ARID3A: variants seen among roughly 807,000 people sequenced by gnomAD.
ARID3A encodes the protein AT-rich interaction domain 3A, also known as AT-rich interactive domain-containing protein 3A.
Under a neutral mutation model 52.7 loss-of-function variants are expected in ARID3A, and 11 were observed. The ratio of observed to expected loss-of-function variants is 0.21; its 90% confidence interval spans 0.13 to 0.35. The LOEUF (loss-of-function observed/expected upper bound fraction) is 0.35, where lower values mean the gene tolerates loss of function less well. Ranked by LOEUF, ARID3A falls within the 10% of genes least tolerant of loss-of-function variation. The probability of loss-of-function intolerance (pLI) is 1.00; values close to 1 mark genes in which losing one functional copy is unlikely to be tolerated. For missense variants in ARID3A, 721 were observed against 838.5 expected (o/e 0.86, Z 1.73); for synonymous variants, 404 against 359.4 (o/e 1.12, Z -1.40).
Position 942,191 on chromosome 19 carries a change from G to A in ARID3A, c.693+9449G>A, listed in dbSNP as rs1047327414. On this transcript the variant is annotated intron_variant, in intron 3 of 8. Transcript: ENST00000263620. The surrounding 1 kb of genome is among the most constrained non-coding windows in gnomAD (Gnocchi z 8.1). ...GTGCACCCCCACCCTCTCCGACCCC[G>A]AGGAGCTGCCGGCAGAGCCCTGTCC... 8.6e-5 allele frequency among the ~76,000 whole-genome samples: 13 copies of A among 151,416 alleles called. No homozygotes were observed. Among genetic ancestry groups the A allele is most frequent in the South Asian group, 4.3e-4 (2 of 4,626 alleles).
Position 949,694 on chromosome 19 carries a change from T to TG in ARID3A, c.694-10397dup, listed in dbSNP as rs397745640. 4.7e-5 allele frequency among the ~76,000 whole-genome samples: 7 copies of TG among 149,944 alleles called. No individual in the cohort carries two copies. In the East Asian group the frequency reaches 1.4e-3, roughly 29 times the overall value. On this transcript the variant is annotated intron_variant, in intron 3 of 8. Coordinates refer to ENST00000263620, the MANE Select transcript of ARID3A (RefSeq NM_005224.3). ...ATTCTGTCTTTTTTTTTTTTTTTTT[T>TG]GAGATGGAGTCTCGCTCTGTCGCCC... is the stretch of plus-strand genomic sequence containing the variant.
At chr19:970,954 C>A (rs1304231474) in intron 8 of ARID3A, among the ~76,000 whole-genome samples, 6 of 152,092 alleles carry the variant, frequency 3.9e-5, no homozygotes, top group Admixed American at 3.9e-4. Context: ...TCCGTGCCCT[C>A]CGGAAATCAG....
In ARID3A at chr19:929,622, C is replaced by T. The variant is rs760005633; in HGVS notation, c.94C>T (p.Pro32Ser). The T allele has an allele frequency of 2.0e-6, 3 of 1,525,472 alleles. No individual in the cohort carries two copies. Among genetic ancestry groups the T allele is most frequent in the Admixed American group, 2.0e-5 (1 of 50,470 alleles). The allele number at this position is 1,525,472 out of a possible 1,614,324, so 94.5% of individuals were successfully genotyped here. ...EARQQLPPDP[P>S]AAPPGRARAA... The stretch of plus-strand genomic sequence containing the variant: ...CCGGCAGCAGCTGCCCCCCGATCCC[C>T]CTGCTGCACCCCCCGGCCGGGCCCG... The change falls in exon 2 of 9, where the codon CCT (proline) becomes TCT (serine). Residue 32 changes from proline to serine, a missense_variant. Transcript: ENST00000263620. This position sits in a 1 kb window ranked among gnomAD's most constrained non-coding sequence, Gnocchi z 6.2.
chr19:969,005 T>C (rs1261370190), intron 8 of ARID3A, among the ~76,000 whole-genome samples: 1 of 151,988 alleles, frequency 6.6e-6, no homozygotes, highest in Non-Finnish European at 1.5e-5. Context: ...AGCCCAGGGG[T>C]TAGAGACTTT....
chr19:972,499 T>G lies in ARID3A; in HGVS notation c.*434T>G. 4.6e-6 allele frequency: 1 copy of G among 216,630 alleles called. No homozygotes were observed. The highest frequency in any genetic ancestry group is 9.3e-6 in the Non-Finnish European group (1 of 107,278). The allele number at this position is 216,630 out of a possible 1,614,324, so 13.4% of individuals were successfully genotyped here. On this transcript the variant is annotated 3_prime_UTR_variant, in exon 9 of 9. Coordinates refer to ENST00000263620, the MANE Select transcript of ARID3A (RefSeq NM_005224.3). ...TCATACATCCCTGCACTGTGTGTTT[T>G]CATTTTTGTCTGCTTTAGTTCTCTT...
At position 966,793 on chromosome 19, in the gene ARID3A, A is replaced by G. The variant is rs2038166980; in HGVS notation, c.1420A>G (p.Met474Val). The G allele has an allele frequency of 6.2e-7, 1 of 1,613,694 alleles. No homozygotes were observed. The highest frequency in any genetic ancestry group is 1.3e-5 in the African/African-American group (1 of 75,078). ...GGTGGCCGATGAGCAGCAACGGCTG[A>G]TGCAACGTGCACTCCAGCAGAACTT... ...ALVADEQQRL[M>V]QRALQQNFLA... Residue 474 changes from methionine (M) to valine (V), a missense_variant, in exon 7 of 9, where the codon ATG becomes GTG. Physicochemically the swap from Met to Val is conservative, Grantham distance 21. Coordinates refer to ENST00000263620, the MANE Select transcript of ARID3A (RefSeq NM_005224.3).
At chr19:946,687 T>C (rs908698429) in intron 3 of ARID3A, among the ~76,000 whole-genome samples, 2 of 152,040 alleles carry the variant, frequency 1.3e-5, no homozygotes, top group African/African-American at 4.8e-5. Context: ...GTGATCCGCC[T>C]GCCTCGGCCT....
chr19:966,453 C>G (rs538011616), intron 6 of ARID3A, 119 bp from the exon 7 acceptor site: 25 of 848,296 alleles, frequency 2.9e-5, no homozygotes, highest in Non-Finnish European at 4.1e-5. Context: ...AGTGAAACTC[C>G]GTCTCAAAAA....
Position 942,654 on chromosome 19 carries a change from C to T in ARID3A, c.693+9912C>T, listed in dbSNP as rs529154127. Among the ~76,000 whole-genome samples, 1 of 152,272 alleles carries T rather than the reference C, an allele frequency of 6.6e-6. No homozygotes were observed. The highest frequency in any genetic ancestry group is 1.9e-4 in the East Asian group (1 of 5,164). On this transcript the variant is annotated intron_variant, in intron 3 of 8. Coordinates refer to ENST00000263620, the MANE Select transcript of ARID3A (RefSeq NM_005224.3). The surrounding 1 kb of genome is among the most constrained non-coding windows in gnomAD (Gnocchi z 8.1). ...GGGCAGGGAGTAGGTGGAGGCCGCC[C>T]CTCCCACTGCCCCGCAGGCCCTGGT...
intron 3 of ARID3A, among the ~76,000 whole-genome samples, chr19:950,573 C>G (rs1426588744): frequency 1.3e-5 from 2 of 152,130 alleles, no homozygotes; most frequent in Non-Finnish European, 2.9e-5. Context: ...GCGTGGGGAC[C>G]GGCAGGCAGG....
In ARID3A at chr19:929,991, C is replaced by G. The variant is rs548854712; in HGVS notation, c.368+95C>G. 6.8e-7 allele frequency: 1 copy of G among 1,473,020 alleles called. No homozygotes were observed. Among genetic ancestry groups the G allele is most frequent in the African/African-American group, 1.4e-5 (1 of 70,996 alleles). The allele number at this position is 1,473,020 out of a possible 1,614,324, so 91.2% of individuals were successfully genotyped here. A position where few individuals can be genotyped will look rare whatever the true frequency, so the allele number is the denominator to read the frequency against. On this transcript the variant is annotated intron_variant, in intron 2 of 8. Coordinates refer to ENST00000263620, the MANE Select transcript of ARID3A (RefSeq NM_005224.3). This position sits in a 1 kb window ranked among gnomAD's most constrained non-coding sequence, Gnocchi z 6.2. ...CAGAATGGGAGTAAGGGTCAGGTCG[C>G]GGGATCTCCTTCCTGTAATTCCAGC... is the stretch of plus-strand genomic sequence containing the variant.
chr19:953,598 T>C (rs1000193009), intron 3 of ARID3A, among the ~76,000 whole-genome samples: 31 of 151,762 alleles, frequency 2.0e-4, no homozygotes, highest in Admixed American at 5.9e-4. Context: ...TGCAACCTTC[T>C]GGGAAGAAAA....
intron 2 of ARID3A, 87 bp from the exon 3 acceptor site, chr19:932,331 A>G: frequency 6.4e-7 from 1 of 1,557,030 alleles, no homozygotes; most frequent in Non-Finnish European, 8.6e-7. Flanking sequence ...AGAGAGGGAA[A>G]CTGAGGCTGG....
intron 2 of ARID3A, among the ~76,000 whole-genome samples, chr19:930,890 C>T (rs1425101744): frequency 6.6e-6 from 1 of 152,180 alleles, no homozygotes; most frequent in Non-Finnish European, 1.5e-5. Flanking sequence ...CAGATAAAAT[C>T]TGCAGCCGGC....
chr19:954,872 C>T (rs1453321076), intron 3 of ARID3A, among the ~76,000 whole-genome samples: 1 of 152,160 alleles, frequency 6.6e-6, no homozygotes. Context: ...CAGAACTTCA[C>T]ACCCGACCCC....
Position 974,194 on chromosome 19 carries a change from G to T in ARID3A, c.*2129G>T. ...TGAGTCTAGGTTCACTTTCCCGTCG[G>T]GCTGTGGGAGGGGACTGTCACTTTC... is the stretch of plus-strand genomic sequence containing the variant. On this transcript the variant is annotated 3_prime_UTR_variant, in exon 9 of 9. Transcript: ENST00000263620. The T allele has an allele frequency of 8.9e-6, 2 of 225,758 alleles. No homozygotes were observed. The highest frequency in any genetic ancestry group is 1.3e-4 in the East Asian group (2 of 15,768). 14.0% of individuals were successfully genotyped at this position (225,758 alleles called of 1,614,324 possible).
At chr19:971,314 A>C (rs532906737) in intron 8 of ARID3A, among the ~76,000 whole-genome samples, 1 of 152,182 alleles carries the variant, frequency 6.6e-6, no homozygotes, top group Non-Finnish European at 1.5e-5. Context: ...CAAAAAATAA[A>C]AAATTGCTAA....
chr19:947,070 A>C lies in ARID3A; in HGVS notation c.694-13022A>C, dbSNP rs10406664. Among the ~76,000 whole-genome samples the C allele has an allele frequency of 0.023, 3,460 of 152,006 alleles. 122 individuals carry two copies. Among genetic ancestry groups the C allele is most frequent in the African/African-American group, 0.077 (3,174 of 41,420 alleles). ...TCGGCCTCCCACAGTGCTGGGATCA[A>C]AGGTGGGAGCCACTGTGCCCAGCCC... On this transcript the variant is annotated intron_variant, in intron 3 of 8. Transcript: ENST00000263620. The surrounding 1 kb of genome is among the most constrained non-coding windows in gnomAD (Gnocchi z 6.3).
rs112523184 is a variant in ARID3A, at chr19:968,291, A to G, written c.1496-114A>G. 3,305 of 799,516 alleles carry G rather than the reference A, an allele frequency of 4.1e-3. 87 individuals are homozygous for G. In the African/African-American group the frequency reaches 0.053, roughly 13 times the overall value. 49.5% of individuals were successfully genotyped at this position (799,516 alleles called of 1,614,324 possible). The stretch of plus-strand genomic sequence containing the variant: ...GGAGAATGGCGTGAACCCAGGAGGC[A>G]GAGCTTGCAGTGAGCTGAGATCGCG... On this transcript the variant is annotated intron_variant, in intron 7 of 8. Transcript: ENST00000263620.
Sources: allele counts gnomAD v4.1 joint callset (sites outside exome capture counted in the v4.1 genomes callset), GRCh38; gene constraint gnomAD v4.1.1; non-coding constraint Gnocchi (gnomAD v3.1); transcripts MANE v1.5; gene names NCBI Gene and HGNC (gene_info 2026-07-23, HGNC 2026-07-21).